Variants in NTHL1 observed in about 807,000 individuals in gnomAD.
The protein encoded by NTHL1 is endonuclease III-like protein 1.
Under a neutral mutation model 32.3 loss-of-function variants are expected in NTHL1, and 32 were observed. The observed-to-expected ratio is 0.99, with a 90% CI of 0.75 to 1.33. NTHL1 has a LOEUF of 1.33. NTHL1 is among the 40% of genes most tolerant of loss of function. NTHL1 has a pLI of 0.00. For synonymous variants in NTHL1, 188 were observed against 176.9 expected, an observed-to-expected ratio of 1.06 and a Z score of -0.50; for missense variants, 501 against 414.1, an observed-to-expected ratio of 1.21 and a Z score of -1.82.
intron 4 of NTHL1, among the ~76,000 whole-genome samples, chr16:2,040,809 T>G (rs1384129191): frequency 6.6e-6 from 1 of 152,188 alleles, no homozygotes; most frequent in Non-Finnish European, 1.5e-5. Flanking sequence ...TCCCTCTGTC[T>G]GTCTCCTGTG....
Position 2,043,698 on chromosome 16 carries a change from C to T in NTHL1, c.554G>A (p.Ser185Asn). Residue 185 changes from serine to asparagine, a missense_variant, in exon 4 of 6, where the codon AGC (serine) becomes AAC (asparagine). By Grantham distance (46) the Ser-to-Asn change is conservative. Coordinates refer to ENST00000651570, the MANE Select transcript of NTHL1 (RefSeq NM_002528.7). The surrounding 1 kb of genome is among the most constrained non-coding windows in gnomAD (Gnocchi z 4.4). ...RSKVKYIKQT[S>N]AILQQHYGGD... is the part of the protein sequence containing the mutation. ...ACCGTAGTGCTGCTGCAGGATGGCG[C>T]TGGTCTGCTTGATGTATTTCACCTT... 2 of 1,612,164 alleles carry T rather than the reference C, an allele frequency of 1.2e-6. No homozygotes were observed. The highest frequency in any genetic ancestry group is 1.7e-6 in the Non-Finnish European group (2 of 1,179,976).
rs1411270811 is a variant in NTHL1, at chr16:2,046,368, T to C, written c.116-2A>G. 1.9e-6 allele frequency: 3 copies of C among 1,603,478 alleles called. No individual in the cohort carries two copies. In the South Asian group the frequency reaches 3.3e-5, roughly 18 times the overall value. On this transcript the variant is annotated splice_acceptor_variant, in intron 1 of 5. Coordinates refer to ENST00000651570, the MANE Select transcript of NTHL1 (RefSeq NM_002528.7). LOFTEE classifies it high-confidence loss of function. ...CGGGGCTGTGGCTTTTCCTCGCTTCTGCAAAAAGCACCACGCAGTCCCTCT... is the reference window on the plus strand; with the variant it reads ...CGGGGCTGTGGCTTTTCCTCGCTTCCGCAAAAAGCACCACGCAGTCCCTCT...
rs759555861 is a variant in NTHL1, at chr16:2,047,735, G to C, written c.89C>G (p.Pro30Arg). 8 of 1,585,086 alleles carry C rather than the reference G, an allele frequency of 5.0e-6. No individual in the cohort carries two copies. The highest frequency in any genetic ancestry group is 1.1e-5 in the South Asian group (1 of 88,294). ...TGCTGCAGCCTCTCTTCTCCGGAGA[G>C]GCCCGGGCTCCTCCCTACACCCCCG... ...GPRGCREEPG[P>R]LRRREAAAEA... The change falls in exon 1 of 6, where the codon CCT becomes CGT. Residue 30 changes from proline (P) to arginine (R), a missense_variant. Transcript: ENST00000651570.
In NTHL1 at chr16:2,044,674, C is replaced by T. The variant is rs764702496; in HGVS notation, c.481G>A (p.Asp161Asn). ...LTVDSILQTD[D>N]ATLGKLIYPV... Reference sequence around the variant, plus strand: ...TAGATGAGCTTGCCCAGCGTGGCATCATCTGTCTGCAGGATGCTGTCCACC... The same window carrying T: ...TAGATGAGCTTGCCCAGCGTGGCATTATCTGTCTGCAGGATGCTGTCCACC... Residue 161 changes from aspartate (D) to asparagine (N), a missense_variant, in exon 3 of 6, where the codon GAT (aspartate) becomes AAT (asparagine). By Grantham distance (23) the Asp-to-Asn change is conservative. Transcript: ENST00000651570. The surrounding 1 kb of genome is among the most constrained non-coding windows in gnomAD (Gnocchi z 5.0). 2 of 1,611,188 alleles carry T rather than the reference C, an allele frequency of 1.2e-6. No homozygotes were observed. Among genetic ancestry groups the T allele is most frequent in the Non-Finnish European group, 1.7e-6 (2 of 1,179,954 alleles).
At chr16:2,041,263 T>C (rs762053230) in intron 4 of NTHL1, among the ~76,000 whole-genome samples, 6 of 152,214 alleles carry the variant, frequency 3.9e-5, no homozygotes, top group Non-Finnish European at 8.8e-5. Flanking sequence ...GTGGCCATGC[T>C]TCAAGGCTGA....
intron 1 of NTHL1, chr16:2,047,393 C>G: frequency 2.3e-6 from 1 of 435,462 alleles, no homozygotes; most frequent in East Asian, 4.6e-5. Context: ...AGCAAGTTCA[C>G]TGCAGGAGGG....
chr16:2,047,601 T>A, intron 1 of NTHL1, 108 bp downstream of exon 1: 1 of 1,439,176 alleles, frequency 6.9e-7, no homozygotes, highest in Non-Finnish European at 9.1e-7. Flanking sequence ...GGCTGCCGGG[T>A]TTGCAGCCCC....
rs750798417 is a variant in NTHL1 at position 2,044,699 on chromosome 16, C to T, written c.456G>A (p.Thr152=). The T allele has an allele frequency of 9.3e-6, 15 of 1,612,236 alleles. No homozygotes were observed. The highest frequency in any genetic ancestry group is 6.7e-5 in the African/African-American group (5 of 74,938). Residue 152 remains threonine, a synonymous_variant, in exon 3 of 6, where the codon ACG becomes ACA. Coordinates refer to ENST00000651570, the MANE Select transcript of NTHL1 (RefSeq NM_002528.7). This position sits in a 1 kb window ranked among gnomAD's most constrained non-coding sequence, Gnocchi z 5.0. ...CATCTGTCTGCAGGATGCTGTCCAC[C>T]GTCAGGCCCCGCGCCCGCAGTCGCT... ...AMQRLRARGL[T]VDSILQTDDA... is the part of the protein sequence containing the mutation.
Position 2,043,791 on chromosome 16 carries a change from C to A in NTHL1, c.526-65G>T. On this transcript the variant is annotated intron_variant, in intron 3 of 5. Transcript: ENST00000651570. This position sits in a 1 kb window ranked among gnomAD's most constrained non-coding sequence, Gnocchi z 4.4. ...ACAGCCCAACCTGGGAGGATGCAGC[C>A]CCCAGGAGACCCACAGGTGGCCAGA... The A allele has an allele frequency of 6.3e-7, 1 of 1,580,608 alleles. No individual in the cohort carries two copies. The highest frequency in any genetic ancestry group is 8.6e-7 in the Non-Finnish European group (1 of 1,161,298).
At position 2,043,420 on chromosome 16, in the gene NTHL1, G is replaced by T; in HGVS notation, c.685+147C>A. 9.0e-7 allele frequency: 1 copy of T among 1,112,942 alleles called. No homozygotes were observed. Among genetic ancestry groups the T allele is most frequent in the Non-Finnish European group, 1.3e-6 (1 of 779,362 alleles). The allele number at this position is 1,112,942 out of a possible 1,614,324, so 68.9% of individuals were successfully genotyped here. ...CAGCACCTGTCTCTGAGTGGGGCTG[G>T]CCTGGCTCCACCCTGGGAGCACCTT... is the stretch of plus-strand genomic sequence containing the variant. On this transcript the variant is annotated intron_variant, in intron 4 of 5. Coordinates refer to ENST00000651570, the MANE Select transcript of NTHL1 (RefSeq NM_002528.7). The surrounding 1 kb of genome is among the most constrained non-coding windows in gnomAD (Gnocchi z 4.4).
At position 2,043,718 on chromosome 16, in the gene NTHL1, C is replaced by T. The variant is rs1596219446; in HGVS notation, c.534G>A (p.Val178=). Residue 178 remains valine (V), a synonymous_variant, in exon 4 of 6, where the codon GTG becomes GTA. Transcript: ENST00000651570. The surrounding 1 kb of genome is among the most constrained non-coding windows in gnomAD (Gnocchi z 4.4). ...IYPVGFWRSK[V]KYIKQTSAIL... ...TGGCGCTGGTCTGCTTGATGTATTT[C>T]ACCTTGCTCTGAAAGACAGGGGTGG... is the stretch of plus-strand genomic sequence containing the variant. 1.9e-6 allele frequency: 3 copies of T among 1,611,838 alleles called. No homozygotes were observed. The highest frequency in any genetic ancestry group is 2.5e-6 in the Non-Finnish European group (3 of 1,179,970).
intron 4 of NTHL1, among the ~76,000 whole-genome samples, chr16:2,041,554 T>C (rs2084268764): frequency 6.6e-6 from 1 of 151,914 alleles, no homozygotes; most frequent in African/African-American, 2.4e-5. Flanking sequence ...GCGATTCTCC[T>C]GCCTCAGCCT....
Position 2,039,928 on chromosome 16 carries a change from A to T in NTHL1, c.911T>A (p.Leu304His), listed in dbSNP as rs1395305678. 1.2e-6 allele frequency: 2 copies of T among 1,602,068 alleles called. No homozygotes were observed. The highest frequency in any genetic ancestry group is 1.7e-6 in the Non-Finnish European group (2 of 1,179,834). Residue 304 changes from leucine (L) to histidine (H), a missense_variant, in exon 6 of 6, where the codon CTC (leucine) becomes CAC (histidine). Leu to His is a moderately conservative substitution (Grantham distance 99). Transcript: ENST00000651570. ...NQALCPAAQG[L>H] is the part of the protein sequence containing the mutation. ...TCGGCCAGAGCCATGCGGCCATCAG[A>T]GACCCTGGGCGGCCGGGCAGAGGGC... is the stretch of plus-strand genomic sequence containing the variant.
At chr16:2,045,847 C>T (rs1027208293) in intron 2 of NTHL1, among the ~76,000 whole-genome samples, 3 of 152,164 alleles carry the variant, frequency 2.0e-5, no homozygotes, top group Admixed American at 1.3e-4. Context: ...GGTTTCAGGC[C>T]CTGGGACCGT....
Position 2,043,462 on chromosome 16 carries a change from G to A in NTHL1, c.685+105C>T, listed in dbSNP as rs1012152174. Reference sequence around the variant, plus strand: ...GAGCACCTTTCTGACTCTATGGGCTGGGTGGAGGACCAGCATGCTGGAAGT... The same window carrying A: ...GAGCACCTTTCTGACTCTATGGGCTAGGTGGAGGACCAGCATGCTGGAAGT... On this transcript the variant is annotated intron_variant, in intron 4 of 5. Coordinates refer to ENST00000651570, the MANE Select transcript of NTHL1 (RefSeq NM_002528.7). The surrounding 1 kb of genome is among the most constrained non-coding windows in gnomAD (Gnocchi z 4.4). 1.3e-6 allele frequency: 2 copies of A among 1,500,042 alleles called. No homozygotes were observed. Among genetic ancestry groups the A allele is most frequent in the African/African-American group, 1.4e-5 (1 of 72,992 alleles). The allele number at this position is 1,500,042 out of a possible 1,614,324, so 92.9% of individuals were successfully genotyped here. A position where few individuals can be genotyped will look rare whatever the true frequency, so the allele number is the denominator to read the frequency against.
intron 4 of NTHL1, chr16:2,041,999 T>C (rs976923669): frequency 4.4e-6 from 2 of 455,304 alleles, no homozygotes; most frequent in Admixed American, 4.7e-5. Flanking sequence ...GTGATCCACA[T>C]ACCTCGGCCT....
Position 2,044,329 on chromosome 16 carries a change from G to A in NTHL1, c.525+301C>T, listed in dbSNP as rs2084311306. Among the ~76,000 whole-genome samples the A allele has an allele frequency of 6.6e-6, 1 of 152,230 alleles. No homozygotes were observed. Among genetic ancestry groups the A allele is most frequent in the Non-Finnish European group, 1.5e-5 (1 of 68,036 alleles). On this transcript the variant is annotated intron_variant, in intron 3 of 5. Coordinates refer to ENST00000651570, the MANE Select transcript of NTHL1 (RefSeq NM_002528.7). This position sits in a 1 kb window ranked among gnomAD's most constrained non-coding sequence, Gnocchi z 5.0. ...CAGGAGGGGGTGACACACCGGGAGAGGCTAGCAGTAAACAAAGGGAAAGGC... is the reference window on the plus strand; with the variant it reads ...CAGGAGGGGGTGACACACCGGGAGAAGCTAGCAGTAAACAAAGGGAAAGGC...
chr16:2,045,061 G>T (rs2150942848), intron 2 of NTHL1, among the ~76,000 whole-genome samples: 1 of 152,320 alleles, frequency 6.6e-6, no homozygotes, highest in African/African-American at 2.4e-5. Flanking sequence ...ATGTGGCCGG[G>T]CGTGGTGGCT....
rs1167072138 is a variant in NTHL1, at chr16:2,043,651, C to T, written c.601G>A (p.Ala201Thr). 1 of 1,611,864 alleles carries T rather than the reference C, an allele frequency of 6.2e-7. No individual in the cohort carries two copies. Among genetic ancestry groups the T allele is most frequent in the South Asian group, 1.1e-5 (1 of 91,090 alleles). The change falls in exon 4 of 6, where the codon GCC becomes ACC. Residue 201 changes from alanine (A) to threonine (T), a missense_variant. Coordinates refer to ENST00000651570, the MANE Select transcript of NTHL1 (RefSeq NM_002528.7). This position sits in a 1 kb window ranked among gnomAD's most constrained non-coding sequence, Gnocchi z 4.4. ...HYGGDIPASVAELVALPGVGP... is the reference protein window; with the variant it reads ...HYGGDIPASVTELVALPGVGP... Reference sequence around the variant, plus strand: ...ACACCCGGCAGCGCCACCAGCTCGGCCACAGAGGCTGGGATGTCCCCACCG... The same window carrying T: ...ACACCCGGCAGCGCCACCAGCTCGGTCACAGAGGCTGGGATGTCCCCACCG...
Sources: allele counts gnomAD v4.1 joint callset (sites outside exome capture counted in the v4.1 genomes callset), GRCh38; gene constraint gnomAD v4.1.1; non-coding constraint Gnocchi (gnomAD v3.1); transcripts MANE v1.5; gene names NCBI Gene and HGNC (gene_info 2026-07-23, HGNC 2026-07-21).